RAPGEF1: variants seen among roughly 807,000 people sequenced by gnomAD.
The protein encoded by RAPGEF1 is CRK SH3-binding GNRP.
In RAPGEF1, 33 loss-of-function variants were observed where a neutral mutation model predicts 143.3. The observed-to-expected ratio is 0.23, with a 90% CI of 0.17 to 0.31. The LOEUF is 0.31. Among genes scored for constraint, RAPGEF1 ranks in the 10% least tolerant of loss-of-function variants. The probability of loss-of-function intolerance (pLI) is 1.00; values close to 1 mark genes in which losing one functional copy is unlikely to be tolerated. For synonymous variants in RAPGEF1, 629 were observed against 676.5 expected (o/e 0.93, Z 1.09); for missense variants, 1,199 against 1,645.4 (o/e 0.73, Z 4.69).
At chr9:131,632,751 G>T (rs1364544546) in intron 5 of RAPGEF1, among the ~76,000 whole-genome samples, 1 of 152,152 alleles carries the variant, frequency 6.6e-6, no homozygotes, top group East Asian at 1.9e-4. Flanking sequence ...GGTTTATATT[G>T]CACGTTTTGT....
intron 1 of RAPGEF1, among the ~76,000 whole-genome samples, chr9:131,689,116 C>T (rs1224804268): frequency 1.3e-5 from 2 of 152,118 alleles, no homozygotes; most frequent in African/African-American, 2.4e-5. Flanking sequence ...GGTGATGGAA[C>T]AGAAAATGGA....
intron 12 of RAPGEF1, among the ~76,000 whole-genome samples, 197 bp downstream of exon 12, chr9:131,618,854 C>T (rs1357730595): frequency 3.3e-5 from 5 of 152,212 alleles, no homozygotes; most frequent in African/African-American, 1.2e-4. Context: ...CCCATGCCTG[C>T]CCCTGCCTCA....
At chr9:131,706,860 T>G (rs1835111682) in intron 1 of RAPGEF1, among the ~76,000 whole-genome samples, 1 of 152,254 alleles carries the variant, frequency 6.6e-6, no homozygotes, top group Non-Finnish European at 1.5e-5. Flanking sequence ...AGAACTGCTC[T>G]GTTCTCTTCT....
chr9:131,698,641 CTGGCCTG>C (rs1458776688), intron 1 of RAPGEF1, among the ~76,000 whole-genome samples: 1 of 152,242 alleles, frequency 6.6e-6, no homozygotes, highest in Non-Finnish European at 1.5e-5. Flanking sequence ...TGAATCTGGG[CTGGCCTG>C]TGGCCTGCTT....
chr9:131,699,478 AG>A (rs1450958099), intron 1 of RAPGEF1, among the ~76,000 whole-genome samples: 1 of 152,078 alleles, frequency 6.6e-6, no homozygotes, highest in Non-Finnish European at 1.5e-5. Context: ...TCCCGACCTT[AG>A]GTGATCCGCC....
chr9:131,740,027 C>T lies in RAPGEF1; in HGVS notation c.-197G>A, dbSNP rs1023757196. 807 of 149,296 alleles carry T rather than the reference C, an allele frequency of 5.4e-3. 21 individuals carry two copies. The East Asian group carries it at 0.074, about 14-fold the overall frequency. The allele number at this position is 149,296 out of a possible 1,614,324, so 9.2% of individuals were successfully genotyped here. On this transcript the variant is annotated 5_prime_UTR_variant, in exon 1 of 27. Coordinates refer to ENST00000683357, the MANE Select transcript of RAPGEF1 (RefSeq NM_001377935.1). The surrounding 1 kb of genome is among the most constrained non-coding windows in gnomAD (Gnocchi z 4.5). ...CCCGCCGCCGCCGCTCCGCCTCCCG[C>T]GCGCCCGCCGCCGCTCCCCCGGCCC...
chr9:131,630,282 G>C lies in RAPGEF1; in HGVS notation c.694C>G (p.Pro232Ala). The C allele has an allele frequency of 6.2e-7, 1 of 1,613,772 alleles. No homozygotes were observed. The highest frequency in any genetic ancestry group is 8.5e-7 in the Non-Finnish European group (1 of 1,179,842). ...GAACTGGGCTTCACGGGGCTCGTCG[G>C]AGACGGACGTCCCTGCTTCTCGATG... ...LTIEKQGRPS[P>A]TSPVKPSSPA... The change falls in exon 6 of 27, where the codon CCG becomes GCG. Residue 232 changes from proline to alanine, a missense_variant. By Grantham distance (27) the Pro-to-Ala change is conservative (BLOSUM62 -1). Coordinates refer to ENST00000683357, the MANE Select transcript of RAPGEF1 (RefSeq NM_001377935.1).
intron 1 of RAPGEF1, among the ~76,000 whole-genome samples, chr9:131,733,269 A>C (rs1396835597): frequency 1.3e-5 from 2 of 151,396 alleles, no homozygotes; most frequent in African/African-American, 4.9e-5. Context: ...TGATAGGTGC[A>C]GCAAACCGCC....
Position 131,603,972 on chromosome 9 carries a change from G to A in RAPGEF1, c.2401C>T (p.Pro801Ser). ...CCGAGGTTACTTACTCCTCGAGAGG[G>A]AGCCAGCTCCTCGCTGCTCTGGCCA... is the stretch of plus-strand genomic sequence containing the variant. ...SSGQSSEELA[P>S]SRGEPPAGKD... is the part of the protein sequence containing the mutation. Residue 801 changes from proline to serine, a missense_variant, in exon 14 of 27, where the codon CCC becomes TCC. Transcript: ENST00000683357. 1 of 1,327,942 alleles carries A rather than the reference G, an allele frequency of 7.5e-7. No individual in the cohort carries two copies. The allele number at this position is 1,327,942 out of a possible 1,614,324, so 82.3% of individuals were successfully genotyped here.
Position 131,607,301 on chromosome 9 carries a change from C to T in RAPGEF1, c.2062-2113G>A, listed in dbSNP as rs995727943. The stretch of plus-strand genomic sequence containing the variant: ...AGGAGCTCGGGGGGCAGACACCCTG[C>T]TTGGTACACCCTGGCTTGCCGCCCT... On this transcript the variant is annotated intron_variant, in intron 12 of 26. Coordinates refer to ENST00000683357, the MANE Select transcript of RAPGEF1 (RefSeq NM_001377935.1). Among the ~76,000 whole-genome samples, 12 of 152,286 alleles carry T rather than the reference C, an allele frequency of 7.9e-5. 1 individual carries two copies. The highest frequency in any genetic ancestry group is 2.4e-4 in the African/African-American group (10 of 41,546).
At chr9:131,692,488 A>C (rs1339799047) in intron 1 of RAPGEF1, among the ~76,000 whole-genome samples, 1 of 152,158 alleles carries the variant, frequency 6.6e-6, no homozygotes, top group East Asian at 1.9e-4. Context: ...GGAGCTTGAC[A>C]ACTCCATGTA....
chr9:131,647,267 A>G (rs1204249758), intron 3 of RAPGEF1, among the ~76,000 whole-genome samples: 1 of 152,240 alleles, frequency 6.6e-6, no homozygotes, highest in African/African-American at 2.4e-5. Context: ...TAGTGAGAAA[A>G]ACAGATTTTG....
chr9:131,724,857 T>C (rs182902689), intron 1 of RAPGEF1, among the ~76,000 whole-genome samples: 44 of 152,312 alleles, frequency 2.9e-4, no homozygotes, highest in Admixed American at 7.2e-4. Context: ...CACACAGATA[T>C]TGGCAAACCC....
intron 22 of RAPGEF1, among the ~76,000 whole-genome samples, chr9:131,587,038 A>ACCCC (rs1491109947): frequency 1.3e-5 from 1 of 75,450 alleles, no homozygotes; most frequent in African/African-American, 7.7e-5. Context: ...ACACACACAC[A>ACCCC]CCCCTGCAGA....
chr9:131,623,973 A>C (rs1242897961), intron 10 of RAPGEF1, among the ~76,000 whole-genome samples: 2 of 152,162 alleles, frequency 1.3e-5, no homozygotes, highest in Admixed American at 1.3e-4. Flanking sequence ...CAGACTGGGG[A>C]CAAGGATGAG....
chr9:131,717,321 C>G (rs565457800), intron 1 of RAPGEF1, among the ~76,000 whole-genome samples: 1 of 152,200 alleles, frequency 6.6e-6, no homozygotes, highest in African/African-American at 2.4e-5. Flanking sequence ...AAAAATGCAC[C>G]TGTCTCCCTT....
intron 14 of RAPGEF1, among the ~76,000 whole-genome samples, chr9:131,602,862 CT>C (rs986901091): frequency 6.6e-6 from 1 of 152,196 alleles, no homozygotes; most frequent in African/African-American, 2.4e-5. Flanking sequence ...GCTGCTGAGC[CT>C]GATGGAGAAC....
At chr9:131,663,283 G>C (rs1829886709) in intron 1 of RAPGEF1, among the ~76,000 whole-genome samples, 1 of 152,110 alleles carries the variant, frequency 6.6e-6, no homozygotes, top group Admixed American at 6.6e-5. Context: ...CAAAGCAACT[G>C]AAAGTTGCAC....
At chr9:131,694,460 T>A (rs1564174094) in intron 1 of RAPGEF1, among the ~76,000 whole-genome samples, 1 of 152,200 alleles carries the variant, frequency 6.6e-6, no homozygotes, top group African/African-American at 2.4e-5. Context: ...AAATACTACT[T>A]GACACAGAGT....
Sources: gnomAD v4.1 joint callset for allele counts (sites outside exome capture counted in the v4.1 genomes callset) on GRCh38, gnomAD v4.1.1 for gene constraint, Gnocchi (gnomAD v3.1) non-coding constraint, MANE v1.5 for transcripts, NCBI Gene and HGNC (gene_info 2026-07-23, HGNC 2026-07-21) for gene names.